Variants in CFDP1 observed in about 807,000 individuals in gnomAD.
CFDP1 encodes the protein heterochromatin-stabilizing protein CFDP1.
Under a neutral mutation model 40.1 loss-of-function variants are expected in CFDP1, and 31 were observed. The ratio of observed to expected loss-of-function variants is 0.77; its 90% CI spans 0.58 to 1.04. The LOEUF is 1.04. Among genes scored for constraint, CFDP1 ranks in the 50% least tolerant of loss-of-function variants. CFDP1 has a pLI of 0.00. For missense variants in CFDP1, 423 were observed against 343.4 expected (o/e 1.23, Z -1.83); for synonymous variants, 167 against 120.0 (o/e 1.39, Z -2.56).
chr16:75,420,110 T>TAAAAA (rs1422881596), intron 1 of CFDP1, among the ~76,000 whole-genome samples: 19 of 47,810 alleles, frequency 4.0e-4, no homozygotes, highest in Non-Finnish European at 1.5e-4. Flanking sequence ...GACCTTCATC[T>TAAAAA]CAAAAAAAAA....
At chr16:75,358,715 T>C (rs948373744) in intron 5 of CFDP1, among the ~76,000 whole-genome samples, 13 of 152,164 alleles carry the variant, frequency 8.5e-5, no homozygotes, top group African/African-American at 3.1e-4. Flanking sequence ...TTTTCTCTTT[T>C]CTCGAAAGTG....
At chr16:75,422,112 T>A (rs1269821295) in intron 1 of CFDP1, among the ~76,000 whole-genome samples, 1 of 152,232 alleles carries the variant, frequency 6.6e-6, no homozygotes, top group African/African-American at 2.4e-5. Flanking sequence ...TCTCTTTTTT[T>A]TGAGACGGAG....
chr16:75,323,795 A>G (rs953107008), intron 5 of CFDP1, among the ~76,000 whole-genome samples: 18 of 151,776 alleles, frequency 1.2e-4, no homozygotes, highest in Non-Finnish European at 2.4e-4. Flanking sequence ...AAAAAAAAAA[A>G]GTATACTATA....
intron 4 of CFDP1, 136 bp from the exon 5 acceptor site, chr16:75,395,345 A>G (rs2078987390): frequency 2.2e-6 from 2 of 926,410 alleles, no homozygotes; most frequent in Non-Finnish European, 3.1e-6. Context: ...TTATGATAAA[A>G]GTTTACTATA....
At chr16:75,408,662 G>C (rs1013945339) in intron 4 of CFDP1, among the ~76,000 whole-genome samples, 1 of 151,644 alleles carries the variant, frequency 6.6e-6, no homozygotes, top group East Asian at 2.0e-4. Context: ...TGTAATCCCA[G>C]CCACTCGGGA....
intron 5 of CFDP1, among the ~76,000 whole-genome samples, chr16:75,386,896 T>A (rs1449234192): frequency 6.6e-6 from 1 of 152,250 alleles, no homozygotes; most frequent in African/African-American, 2.4e-5. Flanking sequence ...GAATAATAGC[T>A]TTGAATCAAC....
intron 1 of CFDP1, among the ~76,000 whole-genome samples, chr16:75,423,903 A>G (rs971908657): frequency 6.6e-6 from 1 of 152,182 alleles, no homozygotes; most frequent in Non-Finnish European, 1.5e-5. Context: ...GGTTGAATCC[A>G]TGGCTGTGGA....
At chr16:75,403,479 A>C (rs1418999585) in intron 4 of CFDP1, among the ~76,000 whole-genome samples, 1 of 152,186 alleles carries the variant, frequency 6.6e-6, no homozygotes, top group East Asian at 1.9e-4. Flanking sequence ...TCAGCCTCCC[A>C]AAGTGCCGGG....
intron 1 of CFDP1, among the ~76,000 whole-genome samples, chr16:75,421,155 G>A (rs758290013): frequency 6.6e-6 from 1 of 152,128 alleles, no homozygotes; most frequent in Non-Finnish European, 1.5e-5. Context: ...GGAGGAGCCC[G>A]GCCCCTCTTC....
chr16:75,368,174 T>C (rs1392829827), intron 5 of CFDP1, among the ~76,000 whole-genome samples: 1 of 152,144 alleles, frequency 6.6e-6, no homozygotes, highest in African/African-American at 2.4e-5. Flanking sequence ...GGAAAGTAGC[T>C]ACAACAAAAA....
At chr16:75,419,677 GACCTTGCTGATAAA>G (rs1222256543) in intron 1 of CFDP1, among the ~76,000 whole-genome samples, 2 of 152,086 alleles carry the variant, frequency 1.3e-5, no homozygotes, top group Non-Finnish European at 2.9e-5. Flanking sequence ...AGGTCATAAA[GACCTTGCTGATAAA>G]ACAGTCTGCC....
chr16:75,373,005 G>T (rs754315124), intron 5 of CFDP1, among the ~76,000 whole-genome samples: 1 of 152,180 alleles, frequency 6.6e-6, no homozygotes, highest in South Asian at 2.1e-4. Context: ...CCCCGGCATG[G>T]AAGCAGATCA....
chr16:75,349,551 G>A lies in CFDP1; in HGVS notation c.651-44369C>T, dbSNP rs181034148. Among the ~76,000 whole-genome samples the A allele has an allele frequency of 1.5e-3, 209 of 143,752 alleles. 2 individuals carry two copies. The highest frequency in any genetic ancestry group is 5.1e-3 in the African/African-American group (198 of 38,928). The allele number at this position is 143,752 out of a possible 152,430, so 94.3% of individuals were successfully genotyped here. On this transcript the variant is annotated intron_variant, in intron 5 of 6. Coordinates refer to ENST00000283882, the MANE Select transcript of CFDP1 (RefSeq NM_006324.3). ...AAATATAGTTCCTAGCACTTTGGGAGGCTAAGGCAGAAAGACTGCTTGACC... is the reference window on the plus strand; with the variant it reads ...AAATATAGTTCCTAGCACTTTGGGAAGCTAAGGCAGAAAGACTGCTTGACC...
intron 5 of CFDP1, among the ~76,000 whole-genome samples, chr16:75,336,851 CTT>C (rs1392898290): frequency 6.6e-6 from 1 of 152,176 alleles, no homozygotes; most frequent in Non-Finnish European, 1.5e-5. Flanking sequence ...AAATTTGTCT[CTT>C]TATTAACAAA....
At chr16:75,351,938 G>A (rs571434701) in intron 5 of CFDP1, among the ~76,000 whole-genome samples, 1 of 145,324 alleles carries the variant, frequency 6.9e-6, no homozygotes, top group Admixed American at 6.9e-5. Context: ...AACCCGGGAG[G>A]TAGAGGTTGC....
chr16:75,429,783 T>G (rs2079387907), intron 1 of CFDP1, among the ~76,000 whole-genome samples: 1 of 152,218 alleles, frequency 6.6e-6, no homozygotes, highest in African/African-American at 2.4e-5. Flanking sequence ...GGGAGATGAT[T>G]TATACAATTC....
At chr16:75,356,496 T>C (rs2078644694) in intron 5 of CFDP1, among the ~76,000 whole-genome samples, 1 of 152,242 alleles carries the variant, frequency 6.6e-6, no homozygotes, top group Non-Finnish European at 1.5e-5. Flanking sequence ...TGTGCTGTCA[T>C]CTATGTTTTG....
intron 2 of CFDP1, among the ~76,000 whole-genome samples, chr16:75,414,111 T>C (rs895440216): frequency 1.3e-5 from 2 of 151,754 alleles, no homozygotes; most frequent in South Asian, 2.1e-4. Flanking sequence ...CGTAATACTA[T>C]GAAAAGGAGG....
Position 75,368,374 on chromosome 16 carries a change from G to A in CFDP1, c.650+26716C>T, listed in dbSNP as rs74994791. Among the ~76,000 whole-genome samples, 272 of 152,292 alleles carry A rather than the reference G, an allele frequency of 1.8e-3. 2 individuals are homozygous for A. Among genetic ancestry groups the A allele is most frequent in the African/African-American group, 6.5e-3 (268 of 41,540 alleles). ...TTCAAAATATTCAGTGGAGGTTTTG[G>A]TGGTGGAGTGGATGGAGAGCTATCA... is the stretch of plus-strand genomic sequence containing the variant. On this transcript the variant is annotated intron_variant, in intron 5 of 6. Transcript: ENST00000283882.
Sources: gnomAD v4.1 joint callset for allele counts (sites outside exome capture counted in the v4.1 genomes callset) on GRCh38, gnomAD v4.1.1 for gene constraint, MANE v1.5 for transcripts, NCBI Gene and HGNC (gene_info 2026-07-23, HGNC 2026-07-21) for gene names.